Variants in CCDC39 observed in about 807,000 individuals in gnomAD.
CCDC39 encodes coiled-coil domain 39 molecular ruler complex subunit.
A neutral mutation model predicts 121.0 loss-of-function variants in CCDC39; 113 were observed. The ratio of observed to expected loss-of-function variants is 0.93; its 90% CI spans 0.80 to 1.09. CCDC39 has a LOEUF of 1.09. CCDC39 is among the 50% of genes least tolerant of loss of function. The pLI is 0.00. For synonymous variants in CCDC39, 349 were observed against 352.2 expected, an observed-to-expected ratio of 0.99 and a Z score of 0.10; for missense variants, 1,063 against 1,074.7, an observed-to-expected ratio of 0.99 and a Z score of 0.15.
At chr3:180,641,859 A>ATGTCTT in intron 13 of CCDC39, 134 bp downstream of exon 13, 1 of 547,656 alleles carries the variant, frequency 1.8e-6, no homozygotes, top group Non-Finnish European at 3.2e-6. Flanking sequence ...AACATGCCCT[A>ATGTCTT]TGTCTTTCTT....
At chr3:180,630,864 CCT>C (rs1717675082) in intron 14 of CCDC39, among the ~76,000 whole-genome samples, 1 of 152,154 alleles carries the variant, frequency 6.6e-6, no homozygotes, top group African/African-American at 2.4e-5. Context: ...CAGCCCTCTT[CCT>C]CTCTGAACAG....
intron 1 of CCDC39, among the ~76,000 whole-genome samples, chr3:180,672,660 C>A (rs777137148): frequency 6.6e-6 from 1 of 152,064 alleles, no homozygotes; most frequent in African/African-American, 2.4e-5. Flanking sequence ...ATGATGGAGA[C>A]GTACAAAGAG....
chr3:180,640,115 G>A (rs905878874), intron 13 of CCDC39, among the ~76,000 whole-genome samples: 1 of 152,046 alleles, frequency 6.6e-6, no homozygotes, highest in African/African-American at 2.4e-5. Flanking sequence ...AAACTTGTGG[G>A]GGTGATGGAT....
intron 1 of CCDC39, among the ~76,000 whole-genome samples, chr3:180,672,161 T>C (rs762701609): frequency 1.4e-4 from 22 of 152,136 alleles, no homozygotes; most frequent in Admixed American, 2.0e-4. Flanking sequence ...CTAAGGCCCT[T>C]AAGAATTGTG....
chr3:180,655,899 A>G (rs1457589345), intron 6 of CCDC39, among the ~76,000 whole-genome samples: 3 of 152,236 alleles, frequency 2.0e-5, no homozygotes, highest in Non-Finnish European at 2.9e-5. Context: ...ATTAGAAAAA[A>G]AATTACCCTA....
chr3:180,658,662 G>T (rs1711655721), intron 6 of CCDC39, among the ~76,000 whole-genome samples: 1 of 151,840 alleles, frequency 6.6e-6, no homozygotes, highest in Admixed American at 6.6e-5. Flanking sequence ...GTCCCTCCTA[G>T]GGAGGTATAA....
At chr3:180,664,788 C>T (rs762823467) in intron 1 of CCDC39, among the ~76,000 whole-genome samples, 20 of 151,728 alleles carry the variant, frequency 1.3e-4, no homozygotes, top group African/African-American at 4.1e-4. Flanking sequence ...CTCTGCCTCC[C>T]GAGTTCAACG....
intron 14 of CCDC39, among the ~76,000 whole-genome samples, chr3:180,628,615 T>C (rs1167949143): frequency 6.6e-6 from 1 of 152,192 alleles, no homozygotes; most frequent in Non-Finnish European, 1.5e-5. Flanking sequence ...AAGGGCCAAA[T>C]AGTAATTAGA....
At chr3:180,618,628 A>G (rs1046737308) in intron 16 of CCDC39, among the ~76,000 whole-genome samples, 3 of 152,034 alleles carry the variant, frequency 2.0e-5, no homozygotes, top group South Asian at 4.1e-4. Flanking sequence ...TCACTGTTCA[A>G]TTCCCACCTA....
chr3:180,652,398 T>A (rs976767450), intron 7 of CCDC39, 132 bp from the exon 8 acceptor site: 21 of 500,372 alleles, frequency 4.2e-5, no homozygotes, highest in African/African-American at 3.4e-4. Flanking sequence ...GCCATTTTTT[T>A]ATATTTAATA....
rs796627440 is a variant in CCDC39, at chr3:180,631,362, G to A, written c.1998+107C>T. On this transcript the variant is annotated intron_variant, in intron 14 of 19. Coordinates refer to ENST00000476379, the MANE Select transcript of CCDC39 (RefSeq NM_181426.2). Reference sequence around the variant, plus strand: ...GAAATAGTTGCTAGATTTCATGGAGGGAAAGTTGCAATATTGTTGTTTTTT... The same window carrying A: ...GAAATAGTTGCTAGATTTCATGGAGAGAAAGTTGCAATATTGTTGTTTTTT... 40 of 1,044,770 alleles carry A rather than the reference G, an allele frequency of 3.8e-5. No homozygotes were observed. In the African/African-American group the frequency reaches 5.9e-4, roughly 15 times the overall value. 64.7% of individuals were successfully genotyped at this position (1,044,770 alleles called of 1,614,324 possible).
rs1466651659 is a variant in CCDC39, at chr3:180,614,755, A to G, written c.*166T>C. On this transcript the variant is annotated 3_prime_UTR_variant, in exon 20 of 20. Coordinates refer to ENST00000476379, the MANE Select transcript of CCDC39 (RefSeq NM_181426.2). ...TATTAATTTCTTCAGTATGAAGAAA[A>G]CAGTAGAGAAAATGAGAACGTTCCT... 1 of 571,596 alleles carries G rather than the reference A, an allele frequency of 1.7e-6. No homozygotes were observed. The allele number at this position is 571,596 out of a possible 1,614,324, so 35.4% of individuals were successfully genotyped here.
At chr3:180,630,144 A>G (rs1272375193) in intron 14 of CCDC39, among the ~76,000 whole-genome samples, 1 of 152,172 alleles carries the variant, frequency 6.6e-6, no homozygotes, top group East Asian at 1.9e-4. Flanking sequence ...GGCACACTTA[A>G]CACCAGTACT....
intron 6 of CCDC39, 59 bp from the exon 7 acceptor site, chr3:180,655,012 G>A (rs1277278435): frequency 3.6e-6 from 4 of 1,099,986 alleles, no homozygotes; most frequent in Non-Finnish European, 4.9e-6. Context: ...AAACTAAAAG[G>A]AATTTAGTTT....
chr3:180,671,654 G>A (rs545639960), intron 1 of CCDC39, among the ~76,000 whole-genome samples: 7 of 151,468 alleles, frequency 4.6e-5, no homozygotes, highest in Non-Finnish European at 8.8e-5. Context: ...TCTATCTCCT[G>A]TGTTCAAGCG....
chr3:180,677,346 A>G (rs2108437903), intron 1 of CCDC39, among the ~76,000 whole-genome samples: 1 of 150,718 alleles, frequency 6.6e-6, no homozygotes, highest in African/African-American at 2.4e-5. Context: ...AAGGACCATT[A>G]AAGCAAATCA....
chr3:180,620,186 C>T (rs1717395700), intron 14 of CCDC39, among the ~76,000 whole-genome samples: 1 of 151,794 alleles, frequency 6.6e-6, no homozygotes, highest in South Asian at 2.1e-4. Context: ...ATACAGAATT[C>T]AAAACCGTGA....
chr3:180,677,142 T>C (rs1242998138), intron 1 of CCDC39, among the ~76,000 whole-genome samples: 1 of 111,820 alleles, frequency 8.9e-6, no homozygotes, highest in Non-Finnish European at 1.7e-5. Context: ...ACTTAAAGTA[T>C]TATAATAATA....
intron 1 of CCDC39, among the ~76,000 whole-genome samples, chr3:180,670,089 A>G (rs1711991258): frequency 6.6e-6 from 1 of 152,208 alleles, no homozygotes; most frequent in African/African-American, 2.4e-5. Flanking sequence ...TAACGGGGAC[A>G]TAACTACATT....
Sources: gnomAD v4.1 joint callset for allele counts (sites outside exome capture counted in the v4.1 genomes callset) on GRCh38, gnomAD v4.1.1 for gene constraint, MANE v1.5 for transcripts, NCBI Gene and HGNC (gene_info 2026-07-23, HGNC 2026-07-21) for gene names.